ATOSA: variants seen among roughly 807,000 people sequenced by gnomAD.
ATOSA encodes atos homolog protein A.
the ATOSA span, chr15:52,586,998 C>T: frequency 1.4e-6 from 2 of 1,458,456 alleles, no homozygotes; most frequent in Non-Finnish European, 1.8e-6. Context: ...CCCAAATGGT[C>T]ATTCCTGGGG....
At chr15:52,646,396 C>T in the ATOSA span, among the ~76,000 whole-genome samples, 16 of 152,116 alleles carry the variant, frequency 1.1e-4, no homozygotes, top group African/African-American at 2.7e-4. Flanking sequence ...AGTCTAAGGC[C>T]AAAGGAGGTG....
chr15:52,610,006 C>T, the ATOSA span: 3 of 1,613,746 alleles, frequency 1.9e-6, no homozygotes, highest in South Asian at 2.2e-5. Context: ...ACTGCCAGTG[C>T]CTGGATATAG....
At chr15:52,582,994 T>A in the ATOSA span, among the ~76,000 whole-genome samples, 11 of 152,214 alleles carry the variant, frequency 7.2e-5, no homozygotes, top group Non-Finnish European at 1.6e-4. Context: ...GTTTTTCCCT[T>A]GGCATAGCAT....
At chr15:52,591,910 C>A in the ATOSA span, among the ~76,000 whole-genome samples, 3 of 152,166 alleles carry the variant, frequency 2.0e-5, no homozygotes, top group Admixed American at 1.3e-4. Flanking sequence ...TTATGACCCA[C>A]AGATGTGAAC....
the ATOSA span, among the ~76,000 whole-genome samples, chr15:52,661,256 C>T: frequency 1.3e-5 from 2 of 152,192 alleles, no homozygotes; most frequent in African/African-American, 4.8e-5. Context: ...CTATGTATTA[C>T]TTTGAGAACA....
At chr15:52,621,928 C>T in the ATOSA span, among the ~76,000 whole-genome samples, 4 of 151,976 alleles carry the variant, frequency 2.6e-5, no homozygotes, top group Admixed American at 6.6e-5. Flanking sequence ...CGACTCACTG[C>T]AACCTCTGCC....
the ATOSA span, among the ~76,000 whole-genome samples, chr15:52,707,367 C>T: frequency 6.6e-6 from 1 of 152,160 alleles, no homozygotes; most frequent in African/African-American, 2.4e-5. Flanking sequence ...AGATATCACA[C>T]GTCTCCAGAA....
At chr15:52,674,652 A>G in the ATOSA span, among the ~76,000 whole-genome samples, 1 of 152,192 alleles carries the variant, frequency 6.6e-6, no homozygotes, top group African/African-American at 2.4e-5. Context: ...AGATAACTAT[A>G]TATTAAAAAA....
At chr15:52,684,915 T>C in the ATOSA span, among the ~76,000 whole-genome samples, 3 of 152,146 alleles carry the variant, frequency 2.0e-5, no homozygotes, top group African/African-American at 4.8e-5. Flanking sequence ...AACCTACAAA[T>C]TGAAATGTAA....
chr15:52,601,256 C>T, the ATOSA span: 1 of 773,834 alleles, frequency 1.3e-6, no homozygotes, highest in Non-Finnish European at 2.1e-6. Context: ...GAAATTTAAG[C>T]ATATCTTTGA....
At chr15:52,654,124 T>G in the ATOSA span, among the ~76,000 whole-genome samples, 6 of 105,780 alleles carry the variant, frequency 5.7e-5, no homozygotes, top group South Asian at 2.3e-3. Context: ...ATCCTTAAAC[T>G]TTAAAATTAA....
the ATOSA span, among the ~76,000 whole-genome samples, chr15:52,674,088 A>G: frequency 2.4e-4 from 36 of 152,348 alleles, no homozygotes; most frequent in Admixed American, 1.5e-3. Flanking sequence ...CTAATTTATG[A>G]TTTATTTTAT....
the ATOSA span, chr15:52,609,473 C>A: frequency 5.0e-6 from 8 of 1,613,674 alleles, no homozygotes; most frequent in Non-Finnish European, 8.5e-7. Context: ...TCTTGCCGCT[C>A]CTGGAGTAAA....
the ATOSA span, among the ~76,000 whole-genome samples, chr15:52,648,345 T>C: frequency 6.6e-6 from 1 of 152,146 alleles, no homozygotes; most frequent in African/African-American, 2.4e-5. Context: ...TTTATTGATA[T>C]ACCACAGTTG....
chr15:52,683,189 A>G, the ATOSA span, among the ~76,000 whole-genome samples: 1 of 152,132 alleles, frequency 6.6e-6, no homozygotes, highest in Admixed American at 6.5e-5. Flanking sequence ...TTTTTGTGAC[A>G]GTAACTGTGC....
chr15:52,691,992 A>G, the ATOSA span, among the ~76,000 whole-genome samples: 1 of 152,150 alleles, frequency 6.6e-6, no homozygotes, highest in Non-Finnish European at 1.5e-5. Context: ...AAATAAGCTG[A>G]CCAGAGCAAA....
chr15:52,677,043 C>T, the ATOSA span, among the ~76,000 whole-genome samples: 1 of 152,124 alleles, frequency 6.6e-6, no homozygotes, highest in South Asian at 2.1e-4. Context: ...TTCTCCAATT[C>T]CTTCTGGTGC....
chr15:52,691,968 C>T, the ATOSA span, among the ~76,000 whole-genome samples: 1 of 151,192 alleles, frequency 6.6e-6, no homozygotes, highest in African/African-American at 2.4e-5. Context: ...CAGATCATGC[C>T]TTTTTTTTTC....
the ATOSA span, among the ~76,000 whole-genome samples, chr15:52,672,472 A>G: frequency 2.7e-5 from 4 of 148,558 alleles, no homozygotes; most frequent in African/African-American, 1.0e-4. Flanking sequence ...TACTGTTTCC[A>G]AGTACTACAA....
Sources: gnomAD v4.1 joint callset for allele counts (sites outside exome capture counted in the v4.1 genomes callset) on GRCh38, gnomAD v4.1.1 for gene constraint, MANE v1.5 for transcripts, NCBI Gene and HGNC (gene_info 2026-07-23, HGNC 2026-07-21) for gene names.